Variants in PCDHA3 observed in about 807,000 individuals in gnomAD.
The protein encoded by PCDHA3 is protocadherin alpha-3.
PCDHA3 carries 41 observed loss-of-function variants against 62.2 expected under a neutral mutation model. That is an observed-to-expected ratio of 0.66 (90% CI 0.51 to 0.86). PCDHA3 has a LOEUF of 0.86. Ranked by LOEUF, PCDHA3 falls within the 40% of genes least tolerant of loss-of-function variation. The pLI is 0.00. For synonymous variants in PCDHA3, 640 were observed against 555.4 expected (o/e 1.15, Z -2.14); for missense variants, 1,304 against 1,241.2 (o/e 1.05, Z -0.76).
In PCDHA3 at chr5:140,884,542, G is replaced by T. The variant is rs1554181706; in HGVS notation, c.2394+80951G>T. 1.9e-6 allele frequency: 3 copies of T among 1,614,126 alleles called. No individual in the cohort carries two copies. In the Admixed American group the frequency reaches 5.0e-5, roughly 27 times the overall value. ...ACTCGCAGCAGAGGCGGCCGAGGGT[G>T]TGCTCTGGGGAGGGCCCGCATAAGA... On this transcript the variant is annotated intron_variant, in intron 1 of 3. Transcript: ENST00000522353.
intron 1 of PCDHA3, chr5:140,849,388 T>G: frequency 6.5e-7 from 1 of 1,533,538 alleles, no homozygotes; most frequent in Non-Finnish European, 8.9e-7. Context: ...ATGGACCCCT[T>G]AAGTGGGGCA....
At chr5:140,967,489 A>G in intron 1 of PCDHA3, 4 of 1,613,456 alleles carry the variant, frequency 2.5e-6, no homozygotes, top group Non-Finnish European at 3.4e-6. Flanking sequence ...CGGGTACGGC[A>G]CAGATCTCTG....
At chr5:140,882,071 ATGGTGTC>A in intron 1 of PCDHA3, 1 of 864,194 alleles carries the variant, frequency 1.2e-6, no homozygotes, top group Non-Finnish European at 1.7e-6. Context: ...GTTCATGCGC[ATGGTGTC>A]GCTCTTCACT....
At chr5:140,836,432 G>T in intron 1 of PCDHA3, 3 of 1,613,830 alleles carry the variant, frequency 1.9e-6, no homozygotes, top group South Asian at 1.1e-5. Flanking sequence ...CGCGGGCATC[G>T]TTGGGCATTG....
At chr5:141,001,280 G>T (rs1308036863) in intron 3 of PCDHA3, among the ~76,000 whole-genome samples, 2 of 152,162 alleles carry the variant, frequency 1.3e-5, no homozygotes, top group South Asian at 2.1e-4. Context: ...TTTTTTTACG[G>T]ATGAAAACTG....
chr5:140,986,106 G>A (rs2097187379), intron 3 of PCDHA3, among the ~76,000 whole-genome samples: 2 of 152,116 alleles, frequency 1.3e-5, no homozygotes, highest in Non-Finnish European at 2.9e-5. Context: ...AAAAGCCTAA[G>A]ATAAAGATGC....
intron 1 of PCDHA3, among the ~76,000 whole-genome samples, chr5:140,806,247 C>T (rs1277626019): frequency 6.6e-6 from 1 of 151,976 alleles, no homozygotes; most frequent in Non-Finnish European, 1.5e-5. Flanking sequence ...TTAAAAAAAG[C>T]TATTGGAAGC....
intron 1 of PCDHA3, among the ~76,000 whole-genome samples, chr5:140,895,223 G>A (rs782692616): frequency 4.0e-4 from 61 of 152,232 alleles, no homozygotes; most frequent in Admixed American, 2.6e-4. Flanking sequence ...ATATTTTACT[G>A]AGTTTTCTCA....
chr5:140,871,719 T>G (rs1228976923), intron 1 of PCDHA3: 1 of 783,446 alleles, frequency 1.3e-6, no homozygotes, highest in East Asian at 2.9e-5. Flanking sequence ...CCTATTTCTC[T>G]TAATATTTGG....
intron 1 of PCDHA3, chr5:140,875,367 T>C (rs937879067): frequency 6.9e-7 from 1 of 1,449,048 alleles, no homozygotes; most frequent in Non-Finnish European, 9.1e-7. Context: ...CTGGAAAAAA[T>C]TTACTAAATA....
intron 1 of PCDHA3, among the ~76,000 whole-genome samples, chr5:140,916,911 GA>G (rs2077779129): frequency 1.3e-5 from 2 of 152,178 alleles, no homozygotes; most frequent in Admixed American, 1.3e-4. Context: ...AGTTTACCTA[GA>G]ACCTCAGAGC....
At chr5:140,876,061 C>T (rs782151232) in intron 1 of PCDHA3, 17 of 1,613,778 alleles carry the variant, frequency 1.1e-5, no homozygotes, top group African/African-American at 1.3e-5. Context: ...ATTAGTTCTT[C>T]GGAAGTTATT....
At chr5:140,817,472 T>G (rs1241284280) in intron 1 of PCDHA3, 1 of 152,252 alleles carries the variant, frequency 6.6e-6, no homozygotes, top group African/African-American at 2.4e-5. Context: ...TGTCACTACC[T>G]CTGTTATCTT....
intron 1 of PCDHA3, among the ~76,000 whole-genome samples, chr5:140,933,901 C>T (rs1218971055): frequency 4.0e-5 from 6 of 151,882 alleles, no homozygotes; most frequent in African/African-American, 1.2e-4. Context: ...AATATTTTGG[C>T]ATAAAGTTGT....
At chr5:140,914,297 G>A (rs1371976850) in intron 1 of PCDHA3, among the ~76,000 whole-genome samples, 2 of 152,056 alleles carry the variant, frequency 1.3e-5, no homozygotes, top group African/African-American at 4.8e-5. Flanking sequence ...ATATCCTCTT[G>A]CTGAATTGAC....
chr5:140,882,856 G>A (rs1352769264), intron 1 of PCDHA3: 1 of 1,614,098 alleles, frequency 6.2e-7, no homozygotes, highest in African/African-American at 1.3e-5. Context: ...CACTTGTACT[G>A]AGGAAAACAC....
intron 3 of PCDHA3, among the ~76,000 whole-genome samples, chr5:141,008,972 C>T (rs1554261973): frequency 6.6e-6 from 1 of 152,148 alleles, no homozygotes; most frequent in African/African-American, 2.4e-5. Context: ...CATTTATAGC[C>T]AAAGTTTAAT....
intron 1 of PCDHA3, chr5:140,834,408 C>A (rs1422955156): frequency 1.9e-6 from 3 of 1,609,996 alleles, no homozygotes; most frequent in Non-Finnish European, 2.5e-6. Context: ...TGGATACGAC[C>A]CAGGGGGCCG....
intron 3 of PCDHA3, among the ~76,000 whole-genome samples, chr5:140,989,548 T>G (rs914557459): frequency 1.3e-5 from 2 of 152,166 alleles, no homozygotes; most frequent in Non-Finnish European, 2.9e-5. Flanking sequence ...TGTAATTCCT[T>G]TACGTTTTGT....
Sources: allele counts gnomAD v4.1 joint callset (sites outside exome capture counted in the v4.1 genomes callset), GRCh38; gene constraint gnomAD v4.1.1; transcripts MANE v1.5; gene names NCBI Gene and HGNC (gene_info 2026-07-23, HGNC 2026-07-21).